Variants in GLRB observed in about 807,000 individuals in gnomAD.
The protein encoded by GLRB is glycine receptor beta, also known as glycine receptor subunit beta.
GLRB carries 33 observed loss-of-function variants against 54.2 expected under a neutral mutation model. The observed-to-expected ratio is 0.61, with a 90% CI of 0.46 to 0.81. The LOEUF is 0.81. Among genes scored for constraint, GLRB ranks in the 40% least tolerant of loss-of-function variants. GLRB has a pLI of 0.00. For missense variants in GLRB, 572 were observed against 584.6 expected (o/e 0.98, Z 0.22); for synonymous variants, 209 against 208.2 (o/e 1.00, Z -0.03).
chr4:157,092,243 CT>C (rs1301876925), intron 2 of GLRB, among the ~76,000 whole-genome samples: 1 of 152,132 alleles, frequency 6.6e-6, no homozygotes, highest in African/African-American at 2.4e-5. Context: ...ATAGGTTCTA[CT>C]TTAGAATAGA....
At chr4:157,113,681 C>T (rs1735501420) in intron 2 of GLRB, among the ~76,000 whole-genome samples, 1 of 151,346 alleles carries the variant, frequency 6.6e-6, no homozygotes, top group South Asian at 2.1e-4. Context: ...AATGTTTCCA[C>T]AGGCTACAAC....
At chr4:157,139,311 C>T (rs916677626) in intron 7 of GLRB, among the ~76,000 whole-genome samples, 2 of 152,000 alleles carry the variant, frequency 1.3e-5, no homozygotes, top group African/African-American at 4.8e-5. Flanking sequence ...CAATATAATC[C>T]ATATATGTTC....
chr4:157,120,670 T>C lies in GLRB; in HGVS notation c.229+8T>C. On this transcript the variant is annotated splice_region_variant and intron_variant, in intron 3 of 9. Transcript: ENST00000264428. Reference sequence around the variant, plus strand: ...TAAGACCAAACTTCAAAGGTTTGTCTCCCCCATATAAATGTTCATTTTTAT... The same window carrying C: ...TAAGACCAAACTTCAAAGGTTTGTCCCCCCCATATAAATGTTCATTTTTAT... The C allele has an allele frequency of 1.6e-6, 2 of 1,288,530 alleles. No individual in the cohort carries two copies. The highest frequency in any genetic ancestry group is 2.3e-6 in the Non-Finnish European group (2 of 886,732). 79.8% of individuals were successfully genotyped at this position (1,288,530 alleles called of 1,614,324 possible).
chr4:157,141,705 A>G (rs1400179575), intron 7 of GLRB, among the ~76,000 whole-genome samples: 2 of 152,014 alleles, frequency 1.3e-5, no homozygotes, highest in Non-Finnish European at 2.9e-5. Context: ...CTAGGAAAAG[A>G]TCAAAAAAAG....
intron 4 of GLRB, among the ~76,000 whole-genome samples, chr4:157,130,622 T>C (rs1199369765): frequency 6.6e-6 from 1 of 151,666 alleles, no homozygotes; most frequent in African/African-American, 2.4e-5. Context: ...TGAATGTACC[T>C]ACCAAATTTT....
chr4:157,111,402 C>A (rs1414250690), intron 2 of GLRB, among the ~76,000 whole-genome samples: 1 of 151,960 alleles, frequency 6.6e-6, no homozygotes, highest in Non-Finnish European at 1.5e-5. Flanking sequence ...GACAGTCTCT[C>A]TGCTAGTATG....
At chr4:157,106,020 T>A (rs1055853392) in intron 2 of GLRB, among the ~76,000 whole-genome samples, 2 of 152,136 alleles carry the variant, frequency 1.3e-5, no homozygotes, top group African/African-American at 4.8e-5. Flanking sequence ...TTTTACATTT[T>A]AGCATCCTTT....
intron 8 of GLRB, among the ~76,000 whole-genome samples, chr4:157,149,630 T>A (rs965241974): frequency 1.3e-5 from 2 of 152,080 alleles, no homozygotes; most frequent in South Asian, 2.1e-4. Flanking sequence ...TTAATAGTAG[T>A]ACTTTTAAAT....
rs143269483 is a variant in GLRB, at chr4:157,150,308, G to A, written c.905-2410G>A. ...ATTTTCCAAAGATAAGGCACATAGT[G>A]TGTGTTCACTTTCTTCTTCTTAACT... On this transcript the variant is annotated intron_variant, in intron 8 of 9. Transcript: ENST00000264428. Among the ~76,000 whole-genome samples the A allele has an allele frequency of 3.7e-3, 569 of 152,130 alleles. 15 individuals are homozygous for A. The highest frequency in any genetic ancestry group is 0.029 in the Admixed American group (447 of 15,264).
At chr4:157,085,046 C>T (rs1376902451) in intron 2 of GLRB, among the ~76,000 whole-genome samples, 2 of 152,086 alleles carry the variant, frequency 1.3e-5, no homozygotes, top group Non-Finnish European at 2.9e-5. Flanking sequence ...TTTCTTATTA[C>T]TTATTGAACA....
chr4:157,082,981 TA>T lies in GLRB; in HGVS notation c.122+4836del, dbSNP rs1734279109. The stretch of plus-strand genomic sequence containing the variant: ...ATAGTGTTTTATATATATATATATA[TA>T]TATATATACACACATACTTACAATT... On this transcript the variant is annotated intron_variant, in intron 2 of 9. Coordinates refer to ENST00000264428, the MANE Select transcript of GLRB (RefSeq NM_000824.5). Among the ~76,000 whole-genome samples, 6 of 148,904 alleles carry T rather than the reference TA, an allele frequency of 4.0e-5. No individual in the cohort carries two copies. The South Asian group carries it at 1.3e-3, about 31-fold the overall frequency.
At chr4:157,149,397 G>A (rs1037826498) in intron 8 of GLRB, among the ~76,000 whole-genome samples, 4 of 151,998 alleles carry the variant, frequency 2.6e-5, no homozygotes, top group African/African-American at 9.7e-5. Flanking sequence ...ACTATGCACA[G>A]AACTATTGAA....
At chr4:157,158,603 T>G (rs1469446055) in intron 9 of GLRB, among the ~76,000 whole-genome samples, 1 of 152,102 alleles carries the variant, frequency 6.6e-6, no homozygotes, top group Non-Finnish European at 1.5e-5. Flanking sequence ...TTTCCTTATT[T>G]CTTGTTTTTG....
In GLRB at chr4:157,111,284, T is replaced by A. The variant is rs190223479; in HGVS notation, c.123-9272T>A. Among the ~76,000 whole-genome samples, 342 of 152,160 alleles carry A rather than the reference T, an allele frequency of 2.2e-3. 3 individuals are homozygous for A. The highest frequency in any genetic ancestry group is 2.5e-3 in the Non-Finnish European group (169 of 67,968). On this transcript the variant is annotated intron_variant, in intron 2 of 9. Transcript: ENST00000264428. The stretch of plus-strand genomic sequence containing the variant: ...TGAGCTTTGGGGAGGAGCTGTGGCA[T>A]GTCTTCATGCTAGTGCAAACTGTTA...
intron 4 of GLRB, among the ~76,000 whole-genome samples, chr4:157,133,384 T>A (rs1736286397): frequency 6.6e-6 from 1 of 151,902 alleles, no homozygotes; most frequent in Non-Finnish European, 1.5e-5. Context: ...AGACCCAGAT[T>A]TCTCTAACTA....
At chr4:157,159,197 G>C (rs1351823227) in intron 9 of GLRB, among the ~76,000 whole-genome samples, 2 of 152,164 alleles carry the variant, frequency 1.3e-5, no homozygotes, top group East Asian at 3.9e-4. Flanking sequence ...CTGAGACTTT[G>C]CTGAAGTTGC....
At chr4:157,140,047 A>C (rs1379310023) in intron 7 of GLRB, among the ~76,000 whole-genome samples, 2 of 152,038 alleles carry the variant, frequency 1.3e-5, no homozygotes, top group Admixed American at 1.3e-4. Context: ...ATACAGTTAA[A>C]CATCTATTGT....
intron 4 of GLRB, among the ~76,000 whole-genome samples, chr4:157,129,290 C>T (rs1279806631): frequency 6.6e-6 from 1 of 151,448 alleles, no homozygotes; most frequent in Non-Finnish European, 1.5e-5. Context: ...TTGTTTCTTG[C>T]AAGATAAATG....
At chr4:157,079,284 A>G (rs538510066) in intron 2 of GLRB, among the ~76,000 whole-genome samples, 5 of 152,180 alleles carry the variant, frequency 3.3e-5, no homozygotes, top group Non-Finnish European at 7.4e-5. Flanking sequence ...ATCATAGATA[A>G]CATTTTATTC....
Sources: gnomAD v4.1 joint callset for allele counts (sites outside exome capture counted in the v4.1 genomes callset) on GRCh38, gnomAD v4.1.1 for gene constraint, MANE v1.5 for transcripts, NCBI Gene and HGNC (gene_info 2026-07-23, HGNC 2026-07-21) for gene names.